Variants in CMC2 observed in about 807,000 individuals in gnomAD.
CMC2 encodes COX assembly mitochondrial protein 2 homolog.
A neutral mutation model predicts 7.5 loss-of-function variants in CMC2; 5 were observed. The ratio of observed to expected loss-of-function variants is 0.66; its 90% CI spans 0.35 to 1.40. CMC2 has a LOEUF of 1.40. CMC2 is among the 40% of genes most tolerant of loss of function. The pLI is 0.04. For synonymous variants in CMC2, 37 were observed against 31.4 expected, an observed-to-expected ratio of 1.18 and a Z score of -0.60; for missense variants, 115 against 92.3, an observed-to-expected ratio of 1.25 and a Z score of -1.01.
At chr16:80,978,820 G>A (rs950496853) in intron 3 of CMC2, among the ~76,000 whole-genome samples, 1 of 152,112 alleles carries the variant, frequency 6.6e-6, no homozygotes, top group South Asian at 2.1e-4. Flanking sequence ...AGTGGCTCAC[G>A]CCTGTAACCC....
intron 2 of CMC2, among the ~76,000 whole-genome samples, chr16:80,992,704 C>T (rs2911149): frequency 3.5e-4 from 45 of 127,380 alleles, no homozygotes; most frequent in South Asian, 4.6e-4. Context: ...TATTCCCCCT[C>T]CTTTTTTTTT....
intron 1 of CMC2, among the ~76,000 whole-genome samples, chr16:81,005,547 CA>C (rs1331058435): frequency 6.6e-6 from 1 of 152,076 alleles, no homozygotes; most frequent in African/African-American, 2.4e-5. Context: ...AGGTCGCAGA[CA>C]CGGTCGGGGA....
chr16:81,004,116 G>A (rs2549870), intron 1 of CMC2, among the ~76,000 whole-genome samples: 95,839 of 152,050 alleles, frequency 0.63, 31,721 homozygotes, highest in South Asian at 0.79. Flanking sequence ...CAGCTACTTG[G>A]GAGGCTGAGG....
At chr16:80,987,077 C>A (rs1416457532) in intron 2 of CMC2, among the ~76,000 whole-genome samples, 1 of 152,148 alleles carries the variant, frequency 6.6e-6, no homozygotes, top group Admixed American at 6.5e-5. Context: ...CTGAAAACAT[C>A]CACCAAATTT....
chr16:80,997,026 A>G, intron 2 of CMC2: 2 of 495,172 alleles, frequency 4.0e-6, no homozygotes, highest in South Asian at 3.4e-5. Flanking sequence ...GTGCCCTATA[A>G]TTAGGAAAGA....
chr16:80,975,953 A>T lies in CMC2; in HGVS notation c.*140T>A. 1.6e-6 allele frequency: 1 copy of T among 628,168 alleles called. No individual in the cohort carries two copies. Among genetic ancestry groups the T allele is most frequent in the Non-Finnish European group, 2.8e-6 (1 of 355,272 alleles). 38.9% of individuals were successfully genotyped at this position (628,168 alleles called of 1,614,324 possible). A position where few individuals can be genotyped will look rare whatever the true frequency, so the allele number is the denominator to read the frequency against. On this transcript the variant is annotated 3_prime_UTR_variant, in exon 4 of 4. Coordinates refer to ENST00000219400, the MANE Select transcript of CMC2 (RefSeq NM_020188.5). ...CAAATACTCAGAATCCAGGGTTTTC[A>T]TATTTCTCCATGGTTCAATCTCTCA...
chr16:80,982,729 C>A (rs1009211718), intron 2 of CMC2: 1 of 152,192 alleles, frequency 6.6e-6, no homozygotes, highest in Non-Finnish European at 1.5e-5. Context: ...TACTGTACTG[C>A]CGTAATAATT....
Position 80,997,313 on chromosome 16 carries a change from CAT to C in CMC2, c.80_81del (p.Asn27ThrfsTer11), listed in dbSNP as rs1403192946. ...LINLLKECHK[N>X]HNILKFFGYC... ...GTACAGTCGTTTTTCTGAACTCTTA[CAT>C]TTTTGTGACATTCCTTAAGCAAGTT... On this transcript the variant is annotated frameshift_variant and splice_region_variant, in exon 2 of 4. Coordinates refer to ENST00000219400, the MANE Select transcript of CMC2 (RefSeq NM_020188.5). LOFTEE classifies it high-confidence loss of function. The C allele has an allele frequency of 1.2e-6, 1 of 827,290 alleles. No individual in the cohort carries two copies. Among genetic ancestry groups the C allele is most frequent in the East Asian group, 3.7e-5 (1 of 26,692 alleles). 51.2% of individuals were successfully genotyped at this position (827,290 alleles called of 1,614,324 possible).
intron 1 of CMC2, among the ~76,000 whole-genome samples, chr16:81,000,495 C>G (rs1411761673): frequency 1.3e-5 from 2 of 150,960 alleles, no homozygotes; most frequent in Non-Finnish European, 1.5e-5. Context: ...GACTCCGTCT[C>G]GAAAAAACAA....
chr16:80,995,737 T>C (rs1009621819), intron 2 of CMC2, among the ~76,000 whole-genome samples: 2 of 152,056 alleles, frequency 1.3e-5, no homozygotes, highest in South Asian at 2.1e-4. Flanking sequence ...CAACAAAAAG[T>C]AGTGCAGTGG....
rs2151601233 is a variant in CMC2 at position 80,968,706 on chromosome 16, T to C, written c.*7387A>G. 1 of 152,314 alleles carries C rather than the reference T, an allele frequency of 6.6e-6. No homozygotes were observed. Among genetic ancestry groups the C allele is most frequent in the African/African-American group, 2.4e-5 (1 of 41,580 alleles). 9.4% of individuals were successfully genotyped at this position (152,314 alleles called of 1,614,324 possible). On this transcript the variant is annotated 3_prime_UTR_variant, in exon 4 of 4. Coordinates refer to ENST00000219400, the MANE Select transcript of CMC2 (RefSeq NM_020188.5). ...AGCTATCTACAAATACTAGATAGCA[T>C]ATATCAAATATAGTTTTTAAAGGTG...
chr16:80,995,602 A>T (rs1968350854), intron 2 of CMC2, among the ~76,000 whole-genome samples: 2 of 152,230 alleles, frequency 1.3e-5, no homozygotes. Flanking sequence ...GGTTGCAGTG[A>T]GCCAAGATCG....
At chr16:80,992,034 T>G in intron 2 of CMC2, 1 of 432,932 alleles carries the variant, frequency 2.3e-6, no homozygotes, top group Admixed American at 2.6e-5. Context: ...ATAACGATCA[T>G]GTATCAATAT....
chr16:80,985,977 G>T (rs1231419801), intron 2 of CMC2, among the ~76,000 whole-genome samples: 1 of 150,198 alleles, frequency 6.7e-6, no homozygotes, highest in East Asian at 2.0e-4. Flanking sequence ...AGCTACTCAA[G>T]GATGAGTTTC....
intron 3 of CMC2, chr16:80,978,547 A>C (rs1966870577): frequency 8.0e-6 from 3 of 372,816 alleles, no homozygotes; most frequent in Non-Finnish European, 1.5e-5. Flanking sequence ...AGAATGCCAC[A>C]AAAGTACTAT....
intron 3 of CMC2, among the ~76,000 whole-genome samples, chr16:80,978,958 G>A (rs989065876): frequency 1.3e-5 from 2 of 152,144 alleles, no homozygotes; most frequent in African/African-American, 4.8e-5. Flanking sequence ...GTGGGCACCT[G>A]TAGTCCCAGT....
rs1402796549 is a variant in CMC2, at chr16:80,972,141, T to C, written c.*3952A>G. 2 of 152,262 alleles carry C rather than the reference T, an allele frequency of 1.3e-5. No individual in the cohort carries two copies. The highest frequency in any genetic ancestry group is 1.5e-5 in the Non-Finnish European group (1 of 68,098). 9.4% of individuals were successfully genotyped at this position (152,262 alleles called of 1,614,324 possible). Reference sequence around the variant, plus strand: ...ACCAGAGGCAGGAGACTGGTAACAATAAAGCATCCCTTTGCTTTCCCTTCA... The same window carrying C: ...ACCAGAGGCAGGAGACTGGTAACAACAAAGCATCCCTTTGCTTTCCCTTCA... On this transcript the variant is annotated 3_prime_UTR_variant, in exon 4 of 4. Coordinates refer to ENST00000219400, the MANE Select transcript of CMC2 (RefSeq NM_020188.5).
intron 2 of CMC2, among the ~76,000 whole-genome samples, chr16:80,996,136 T>C (rs1000941877): frequency 1.3e-5 from 2 of 152,214 alleles, no homozygotes; most frequent in African/African-American, 2.4e-5. Context: ...GCCCCTTAAT[T>C]TGATTAACCA....
At position 80,975,916 on chromosome 16, in the gene CMC2, C is replaced by T. The variant is rs537396386; in HGVS notation, c.*177G>A. 37 of 572,856 alleles carry T rather than the reference C, an allele frequency of 6.5e-5. 1 individual carries two copies. The highest frequency in any genetic ancestry group is 4.7e-4 in the Middle Eastern group (1 of 2,138). The allele number at this position is 572,856 out of a possible 1,614,324, so 35.5% of individuals were successfully genotyped here. On this transcript the variant is annotated 3_prime_UTR_variant, in exon 4 of 4. Coordinates refer to ENST00000219400, the MANE Select transcript of CMC2 (RefSeq NM_020188.5). ...CTGGTAAAGGGGAGACAGTACTAAA[C>T]GCCCTGCCCAACAAATACTCAGAAT...
Sources: gnomAD v4.1 joint callset for allele counts (sites outside exome capture counted in the v4.1 genomes callset) on GRCh38, gnomAD v4.1.1 for gene constraint, MANE v1.5 for transcripts, NCBI Gene and HGNC (gene_info 2026-07-23, HGNC 2026-07-21) for gene names.